MYRIP: variants seen among roughly 807,000 people sequenced by gnomAD.
The protein encoded by MYRIP is myosin VIIA and Rab interacting protein, also known as rab effector MyRIP.
Under a neutral mutation model 98.0 loss-of-function variants are expected in MYRIP, and 49 were observed. The observed-to-expected ratio is 0.50, with a 90% CI of 0.40 to 0.63. MYRIP has a LOEUF of 0.63. MYRIP is among the 30% of genes least tolerant of loss of function. MYRIP has a pLI of 0.00. For synonymous variants in MYRIP, 404 were observed against 409.5 expected, an observed-to-expected ratio of 0.99 and a Z score of 0.16; for missense variants, 1,004 against 1,058.2, an observed-to-expected ratio of 0.95 and a Z score of 0.71.
chr3:40,169,943 T>G lies in MYRIP; in HGVS notation c.730-7T>G, dbSNP rs1356760345. 1.9e-6 allele frequency: 3 copies of G among 1,613,964 alleles called. No homozygotes were observed. The highest frequency in any genetic ancestry group is 2.5e-6 in the Non-Finnish European group (3 of 1,180,024). On this transcript the variant is annotated splice_polypyrimidine_tract_variant and splice_region_variant and intron_variant, in intron 7 of 16. Coordinates refer to ENST00000302541, the MANE Select transcript of MYRIP (RefSeq NM_015460.4). ...AACTTGCCCCTTTTTTGTCCTCCCC[T>G]CCCCAGATTATACGAAAACAGAAGA... is the stretch of plus-strand genomic sequence containing the variant.
At chr3:39,863,922 C>T (rs1350327013) in intron 1 of MYRIP, among the ~76,000 whole-genome samples, 1 of 152,124 alleles carries the variant, frequency 6.6e-6, no homozygotes, top group Non-Finnish European at 1.5e-5. Flanking sequence ...CAAACCAAAT[C>T]CAGCAGCACA....
At chr3:40,177,157 G>C (rs1323031712) in intron 8 of MYRIP, among the ~76,000 whole-genome samples, 1 of 151,672 alleles carries the variant, frequency 6.6e-6, no homozygotes, top group Non-Finnish European at 1.5e-5. Context: ...TCAGTTCTTG[G>C]GTACTTCAGA....
intron 2 of MYRIP, among the ~76,000 whole-genome samples, chr3:39,992,469 G>A (rs910341553): frequency 1.3e-5 from 2 of 152,086 alleles, no homozygotes; most frequent in Non-Finnish European, 2.9e-5. Flanking sequence ...TTCAAATAGT[G>A]GCTCTTTATT....
intron 3 of MYRIP, among the ~76,000 whole-genome samples, chr3:40,078,266 G>C (rs1948396439): frequency 6.6e-6 from 1 of 152,180 alleles, no homozygotes; most frequent in South Asian, 2.1e-4. Context: ...CAGCTGGCCC[G>C]AAAGCGCTGT....
rs142258741 is a variant in MYRIP, at chr3:39,987,059, A to G, written c.111-56991A>G. Among the ~76,000 whole-genome samples, 102 of 152,242 alleles carry G rather than the reference A, an allele frequency of 6.7e-4. 1 individual carries two copies. The highest frequency in any genetic ancestry group is 2.4e-3 in the African/African-American group (99 of 41,540). On this transcript the variant is annotated intron_variant, in intron 2 of 16. Coordinates refer to ENST00000302541, the MANE Select transcript of MYRIP (RefSeq NM_015460.4). ...GAACATGTAGCTTTGTTACATAGGT[A>G]TATGTGTGCCATGGTGGTTTGCTGC...
chr3:40,226,003 G>A (rs1286031622), intron 11 of MYRIP, among the ~76,000 whole-genome samples: 1 of 152,104 alleles, frequency 6.6e-6, no homozygotes, highest in Non-Finnish European at 1.5e-5. Flanking sequence ...TAAGTCACAG[G>A]GCTGAAAGGA....
At chr3:40,075,314 T>C (rs932107046) in intron 3 of MYRIP, among the ~76,000 whole-genome samples, 3 of 152,362 alleles carry the variant, frequency 2.0e-5, no homozygotes, top group African/African-American at 7.2e-5. Context: ...ATTAAAGCAT[T>C]GTTTCTAATG....
At chr3:40,178,859 G>T (rs535143857) in intron 8 of MYRIP, among the ~76,000 whole-genome samples, 1 of 151,962 alleles carries the variant, frequency 6.6e-6, no homozygotes, top group Non-Finnish European at 1.5e-5. Context: ...AAATTCTCAA[G>T]TTCATCAATG....
chr3:40,142,818 T>C (rs753564159), intron 3 of MYRIP, among the ~76,000 whole-genome samples: 10 of 152,194 alleles, frequency 6.6e-5, no homozygotes, highest in Non-Finnish European at 1.2e-4. Flanking sequence ...TCTGGACAGT[T>C]CCAAGTTGGA....
At chr3:40,093,602 C>T (rs1948767820) in intron 3 of MYRIP, among the ~76,000 whole-genome samples, 1 of 152,182 alleles carries the variant, frequency 6.6e-6, no homozygotes, top group Admixed American at 6.5e-5. Context: ...ATCCTGGGAC[C>T]AAGTCTACCA....
intron 1 of MYRIP, among the ~76,000 whole-genome samples, chr3:39,846,054 A>G (rs1193494362): frequency 1.3e-5 from 2 of 152,198 alleles, no homozygotes; most frequent in East Asian, 1.9e-4. Context: ...ATTAAAATAT[A>G]TGCACATTTT....
intron 16 of MYRIP, among the ~76,000 whole-genome samples, chr3:40,255,422 A>G (rs1953547688): frequency 6.6e-6 from 1 of 152,210 alleles, no homozygotes; most frequent in Non-Finnish European, 1.5e-5. Flanking sequence ...TCACTTTAGA[A>G]TGGTTTATTT....
chr3:40,108,797 A>T (rs1353240148), intron 3 of MYRIP, among the ~76,000 whole-genome samples: 1 of 152,194 alleles, frequency 6.6e-6, no homozygotes, highest in Non-Finnish European at 1.5e-5. Context: ...TTCTGCATTC[A>T]TGCTTTGACT....
chr3:39,989,377 T>C (rs1946113731), intron 2 of MYRIP, among the ~76,000 whole-genome samples: 1 of 152,182 alleles, frequency 6.6e-6, no homozygotes, highest in African/African-American at 2.4e-5. Context: ...ACAAGGAGCC[T>C]GGAAAACAGC....
Position 40,250,465 on chromosome 3 carries a change from G to A in MYRIP, c.2394G>A (p.Gln798=). The A allele has an allele frequency of 2.5e-6, 4 of 1,614,196 alleles. No homozygotes were observed. The highest frequency in any genetic ancestry group is 1.1e-5 in the South Asian group (1 of 91,080). The change falls in exon 15 of 17, where the codon CAG becomes CAA. Residue 798 remains glutamine (Q), a synonymous_variant. Coordinates refer to ENST00000302541, the MANE Select transcript of MYRIP (RefSeq NM_015460.4). The part of the protein sequence containing the change: ...TQVQTIDTSR[Q]QRRKLPAPPV... ...TACAAACCATAGATACATCAAGGCAGCAAAGGAGGAAACTGCCTGCTCCAC... is the reference window on the plus strand; with the variant it reads ...TACAAACCATAGATACATCAAGGCAACAAAGGAGGAAACTGCCTGCTCCAC...
At chr3:39,938,946 C>G (rs1175503663) in intron 2 of MYRIP, among the ~76,000 whole-genome samples, 3 of 152,164 alleles carry the variant, frequency 2.0e-5, no homozygotes, top group Non-Finnish European at 4.4e-5. Context: ...CAGGGCAATG[C>G]TCTTCCCACC....
At chr3:39,844,785 G>A (rs769983350) in intron 1 of MYRIP, among the ~76,000 whole-genome samples, 7 of 152,124 alleles carry the variant, frequency 4.6e-5, no homozygotes, top group Admixed American at 2.6e-4. Flanking sequence ...AGCATTTGTG[G>A]TACTTCTACA....
intron 2 of MYRIP, among the ~76,000 whole-genome samples, chr3:39,997,694 A>G (rs1209243985): frequency 1.3e-5 from 2 of 152,236 alleles, no homozygotes; most frequent in Non-Finnish European, 2.9e-5. Context: ...TGAGGCCAGC[A>G]TCATCCTGAT....
At chr3:40,109,974 T>C (rs1175887241) in intron 3 of MYRIP, among the ~76,000 whole-genome samples, 1 of 152,238 alleles carries the variant, frequency 6.6e-6, no homozygotes, top group Non-Finnish European at 1.5e-5. Flanking sequence ...CCTAGGGAGT[T>C]CCTGCAGGAG....
Sources: gnomAD v4.1 joint callset for allele counts (sites outside exome capture counted in the v4.1 genomes callset) on GRCh38, gnomAD v4.1.1 for gene constraint, MANE v1.5 for transcripts, NCBI Gene and HGNC (gene_info 2026-07-23, HGNC 2026-07-21) for gene names.